GALNT5: variants seen among roughly 807,000 people sequenced by gnomAD.
GALNT5 encodes UDP-GalNAc:polypeptide N-acetylgalactosaminyltransferase 5.
In GALNT5, 72 loss-of-function variants were observed where a neutral mutation model predicts 85.4. The observed-to-expected ratio is 0.84, with a 90% CI of 0.70 to 1.03. GALNT5 has a LOEUF of 1.03. Ranked by LOEUF, GALNT5 falls within the 50% of genes least tolerant of loss-of-function variation. GALNT5 has a pLI of 0.00. For missense variants in GALNT5, 1,137 were observed against 1,135.5 expected (o/e 1.00, Z -0.02); for synonymous variants, 404 against 397.0 (o/e 1.02, Z -0.21).
rs2105178013 is a variant in GALNT5 at position 157,315,093 on chromosome 2, T to A, written c.*3745T>A. Reference sequence around the variant, plus strand: ...ACTCTATCTCAAAAAATAATAATAATAATTTTTACCTCAGAAGAAAGCCCC... The same window carrying A: ...ACTCTATCTCAAAAAATAATAATAAAAATTTTTACCTCAGAAGAAAGCCCC... On this transcript the variant is annotated 3_prime_UTR_variant, in exon 10 of 10. Transcript: ENST00000259056. Among the ~76,000 whole-genome samples the A allele has an allele frequency of 6.6e-6, 1 of 151,792 alleles. No homozygotes were observed. The highest frequency in any genetic ancestry group is 2.4e-5 in the African/African-American group (1 of 41,338).
chr2:157,291,492 C>A (rs1683096808), intron 3 of GALNT5, among the ~76,000 whole-genome samples: 3 of 152,128 alleles, frequency 2.0e-5, no homozygotes. Context: ...CAACATCCCT[C>A]AAGGAATCCT....
Position 157,259,047 on chromosome 2 carries a change from TTGTGATTA to T in GALNT5, c.967_974del (p.Val323AsnfsTer15), listed in dbSNP as rs1682270611. The T allele has an allele frequency of 6.8e-7, 1 of 1,475,848 alleles. No homozygotes were observed. Among genetic ancestry groups the T allele is most frequent in the African/African-American group, 1.4e-5 (1 of 71,204 alleles). The allele number at this position is 1,475,848 out of a possible 1,614,324, so 91.4% of individuals were successfully genotyped here. A position where few individuals can be genotyped will look rare whatever the true frequency, so the allele number is the denominator to read the frequency against. The stretch of plus-strand genomic sequence containing the variant: ...AAACTCAATTTCTCTGAAAGCCATC[TTGTGATTA>T]TAACCAAAGAGGAAGAGCAAAAGGC... On this transcript the variant is annotated frameshift_variant, in exon 1 of 10. Transcript: ENST00000259056. LOFTEE classifies it high-confidence loss of function.
intron 1 of GALNT5, among the ~76,000 whole-genome samples, chr2:157,276,266 A>G (rs1443116035): frequency 6.6e-6 from 1 of 152,128 alleles, no homozygotes; most frequent in African/African-American, 2.4e-5. Context: ...CATCAGGGAT[A>G]TTGGTCTAAA....
intron 9 of GALNT5, among the ~76,000 whole-genome samples, chr2:157,310,752 G>T (rs1474000178): frequency 2.6e-5 from 4 of 152,078 alleles, no homozygotes; most frequent in Admixed American, 2.0e-4. Flanking sequence ...AGAGATTATG[G>T]TAAGGAGCTC....
intron 1 of GALNT5, among the ~76,000 whole-genome samples, chr2:157,267,966 G>T (rs1478556510): frequency 1.3e-5 from 2 of 152,156 alleles, no homozygotes; most frequent in Non-Finnish European, 2.9e-5. Flanking sequence ...TGGGAGAAAA[G>T]AATAAAATCC....
chr2:157,300,298 C>G (rs1478691542), intron 6 of GALNT5, among the ~76,000 whole-genome samples: 2 of 152,164 alleles, frequency 1.3e-5, no homozygotes, highest in Admixed American at 6.5e-5. Context: ...TTGTGTTCCA[C>G]AAGCCTTTTG....
intron 3 of GALNT5, among the ~76,000 whole-genome samples, chr2:157,292,328 G>C (rs1336062746): frequency 6.6e-6 from 1 of 152,148 alleles, no homozygotes; most frequent in Non-Finnish European, 1.5e-5. Context: ...GCTACGCAGA[G>C]AGCTCCCTGT....
chr2:157,283,417 A>G (rs1265497233), intron 1 of GALNT5, among the ~76,000 whole-genome samples: 1 of 152,146 alleles, frequency 6.6e-6, no homozygotes, highest in Non-Finnish European at 1.5e-5. Context: ...TCTGCAGGGC[A>G]TGGGAAAAAA....
Position 157,317,174 on chromosome 2 carries a change from GTATATA to G in GALNT5, c.*5846_*5851del, listed in dbSNP as rs68129611. Among the ~76,000 whole-genome samples, 17 of 139,322 alleles carry G rather than the reference GTATATA, an allele frequency of 1.2e-4. No individual in the cohort carries two copies. The highest frequency in any genetic ancestry group is 3.6e-4 in the Admixed American group (5 of 14,068). 91.4% of individuals were successfully genotyped at this position (139,322 alleles called of 152,430 possible). Reference sequence around the variant, plus strand: ...TTTTGTAAATATACTGTATGTGTGTGTATATATATATATATATATATATATTTTTTT... The same window carrying G: ...TTTTGTAAATATACTGTATGTGTGTGTATATATATATATATATATTTTTTT... On this transcript the variant is annotated 3_prime_UTR_variant, in exon 10 of 10. Coordinates refer to ENST00000259056, the MANE Select transcript of GALNT5 (RefSeq NM_014568.3).
At chr2:157,294,936 T>C (rs933093957) in intron 3 of GALNT5, among the ~76,000 whole-genome samples, 4 of 148,702 alleles carry the variant, frequency 2.7e-5, no homozygotes, top group African/African-American at 9.8e-5. Flanking sequence ...GAGTTCTTAA[T>C]ACTACTTCTG....
intron 1 of GALNT5, among the ~76,000 whole-genome samples, chr2:157,265,949 C>T (rs1176235759): frequency 1.3e-5 from 2 of 152,198 alleles, no homozygotes; most frequent in East Asian, 3.8e-4. Context: ...ACAGTGTTTA[C>T]AAAGGCTTCA....
intron 1 of GALNT5, among the ~76,000 whole-genome samples, chr2:157,271,051 G>A (rs552987749): frequency 1.3e-4 from 19 of 151,942 alleles, no homozygotes; most frequent in Non-Finnish European, 2.5e-4. Flanking sequence ...GGGAGGCGGA[G>A]CCTGCAGTGA....
chr2:157,314,024 G>A lies in GALNT5; in HGVS notation c.*2676G>A, dbSNP rs543519267. ...ACATCTACTACCAACATTTTCTTAA[G>A]CATAGCCTTCTAAATTTTTTCAGGA... On this transcript the variant is annotated 3_prime_UTR_variant, in exon 10 of 10. Transcript: ENST00000259056. The A allele has an allele frequency of 6.6e-6, 1 of 152,082 alleles. No homozygotes were observed. The highest frequency in any genetic ancestry group is 2.1e-4 in the South Asian group (1 of 4,806). 9.4% of individuals were successfully genotyped at this position (152,082 alleles called of 1,614,324 possible).
chr2:157,264,490 C>T (rs1682415964), intron 1 of GALNT5, among the ~76,000 whole-genome samples: 1 of 152,208 alleles, frequency 6.6e-6, no homozygotes, highest in Non-Finnish European at 1.5e-5. Context: ...CCCTACAAAA[C>T]TCTGGCAAGC....
At position 157,315,392 on chromosome 2, in the gene GALNT5, A is replaced by T. The variant is rs945963937; in HGVS notation, c.*4044A>T. Among the ~76,000 whole-genome samples, 12 of 152,174 alleles carry T rather than the reference A, an allele frequency of 7.9e-5. No homozygotes were observed. Among genetic ancestry groups the T allele is most frequent in the Admixed American group, 7.9e-4 (12 of 15,282 alleles). On this transcript the variant is annotated 3_prime_UTR_variant, in exon 10 of 10. Transcript: ENST00000259056. ...TTCCATTTTATCTGGCTCAAAAAAA[A>T]TTTCTCTCACTATACCATGCTGCTA...
Position 157,314,603 on chromosome 2 carries a change from G to T in GALNT5, c.*3255G>T, listed in dbSNP as rs1056595764. On this transcript the variant is annotated 3_prime_UTR_variant, in exon 10 of 10. Transcript: ENST00000259056. Reference sequence around the variant, plus strand: ...AGTATTAGTTTGGGACTGCAGAGGGGCAAAGATACCATTTACAGTATATAG... The same window carrying T: ...AGTATTAGTTTGGGACTGCAGAGGGTCAAAGATACCATTTACAGTATATAG... Among the ~76,000 whole-genome samples, 18 of 152,234 alleles carry T rather than the reference G, an allele frequency of 1.2e-4. No homozygotes were observed. The highest frequency in any genetic ancestry group is 1.3e-4 in the Non-Finnish European group (9 of 68,018).
At position 157,281,563 on chromosome 2, in the gene GALNT5, C is replaced by T. The variant is rs374420781; in HGVS notation, c.1455-2719C>T. Among the ~76,000 whole-genome samples the T allele has an allele frequency of 2.2e-4, 33 of 152,110 alleles. No homozygotes were observed. The East Asian group carries it at 4.1e-3, about 19-fold the overall frequency. ...AGTAGAGAAAGCTCCTATCAAATTG[C>T]GCCATGGCATTCCCGCCTGGGTGAC... On this transcript the variant is annotated intron_variant, in intron 1 of 9. Transcript: ENST00000259056.
At position 157,311,305 on chromosome 2, in the gene GALNT5, A is replaced by G. The variant is rs1386079788; in HGVS notation, c.2780A>G (p.Lys927Arg). ...ILKVAACDPV[K>R]PYQKWKFEKY... ...AAAGTAGCTGCCTGTGACCCAGTGA[A>G]GCCATATCAAAAGTGGAAATTTGAA... The change falls in exon 10 of 10, where the codon AAG (lysine) becomes AGG (arginine). Residue 927 changes from lysine to arginine, a missense_variant. Physicochemically the swap from Lys to Arg is conservative, Grantham distance 26. Coordinates refer to ENST00000259056, the MANE Select transcript of GALNT5 (RefSeq NM_014568.3). 1.5e-5 allele frequency: 24 copies of G among 1,610,668 alleles called. No homozygotes were observed. Among genetic ancestry groups the G allele is most frequent in the Non-Finnish European group, 2.0e-5 (23 of 1,178,164 alleles).
intron 5 of GALNT5, 115 bp from the exon 6 acceptor site, chr2:157,299,433 T>C: frequency 1.5e-6 from 1 of 646,846 alleles, no homozygotes; most frequent in East Asian, 2.6e-5. Flanking sequence ...CTTCCCTGCA[T>C]CAGGTAGCTA....
Sources: allele counts gnomAD v4.1 joint callset (sites outside exome capture counted in the v4.1 genomes callset), GRCh38; gene constraint gnomAD v4.1.1; transcripts MANE v1.5; gene names NCBI Gene and HGNC (gene_info 2026-07-23, HGNC 2026-07-21).